MUC7: variants seen among roughly 807,000 people sequenced by gnomAD.
The protein encoded by MUC7 is mucin-7.
In MUC7, 2 loss-of-function variants were observed where a neutral mutation model predicts 2.5. The observed-to-expected ratio is 0.81, with a 90% CI of 0.33 to 2.55. The LOEUF is 2.55. Among genes scored for constraint, MUC7 ranks in the 30% most tolerant of loss-of-function variants. MUC7 has a pLI of 0.11. For synonymous variants in MUC7, 133 were observed against 173.4 expected, an observed-to-expected ratio of 0.77 and a Z score of 1.83; for missense variants, 408 against 455.6, an observed-to-expected ratio of 0.90 and a Z score of 0.95.
intron 1 of MUC7, among the ~76,000 whole-genome samples, chr4:70,435,004 T>C (rs1226723654): frequency 1.3e-5 from 2 of 152,222 alleles, no homozygotes; most frequent in African/African-American, 2.4e-5. Flanking sequence ...AGTTTCCATG[T>C]AGTTGTGCGG....
chr4:70,480,368 G>C (rs780675746), intron 2 of MUC7, among the ~76,000 whole-genome samples: 1 of 152,134 alleles, frequency 6.6e-6, no homozygotes, highest in Non-Finnish European at 1.5e-5. Flanking sequence ...TAGATATGAG[G>C]GGTGTAATCT....
chr4:70,468,557 CAA>C (rs2109734601), upstream of MUC7, among the ~76,000 whole-genome samples: 1 of 152,324 alleles, frequency 6.6e-6, no homozygotes, highest in South Asian at 2.1e-4. Context: ...GCAACTTCAG[CAA>C]AGTCTCAGGC....
At chr4:70,468,951 C>A (rs1170241509), upstream of MUC7, among the ~76,000 whole-genome samples, 1 of 152,116 alleles carries the variant, frequency 6.6e-6, no homozygotes, top group Admixed American at 6.5e-5. Flanking sequence ...ATAGCCAAGA[C>A]AATCATAAGC....
intron 1 of MUC7, among the ~76,000 whole-genome samples, chr4:70,454,095 G>A (rs1020428262): frequency 6.6e-6 from 1 of 152,008 alleles, no homozygotes; most frequent in African/African-American, 2.4e-5. Flanking sequence ...GCTTCAAGCT[G>A]TGCTGCCTGT....
chr4:70,452,138 TGC>T (rs1158567506), intron 1 of MUC7, among the ~76,000 whole-genome samples: 1 of 152,210 alleles, frequency 6.6e-6, no homozygotes, highest in Non-Finnish European at 1.5e-5. Context: ...TCAGTCTATG[TGC>T]ACATTTATGG....
rs71599957 is a variant in MUC7, at chr4:70,444,507, C to G, written c.-93+13820C>G. On this transcript the variant is annotated intron_variant, in intron 1 of 3. Coordinates refer to the MUC7 transcript ENST00000413702. ...ACTTCAGCTCTATCTGCCACTACCA[C>G]CACTGCACTTGCAGCCACCCGATTT... Among the ~76,000 whole-genome samples, 764 of 152,328 alleles carry G rather than the reference C, an allele frequency of 5.0e-3. 6 individuals are homozygous for G. The highest frequency in any genetic ancestry group is 8.6e-3 in the Non-Finnish European group (584 of 68,020).
chr4:70,473,490 T>C (rs1412360330), intron 1 of MUC7, among the ~76,000 whole-genome samples: 2 of 150,896 alleles, frequency 1.3e-5, no homozygotes, highest in Non-Finnish European at 3.0e-5. Flanking sequence ...AATGGCAAAA[T>C]CTTCAGTAGA....
At position 70,454,289 on chromosome 4, in the gene MUC7, G is replaced by A. The variant is rs1379335924; in HGVS notation, c.-92-17926G>A. On this transcript the variant is annotated intron_variant, in intron 1 of 3. Coordinates refer to the MUC7 transcript ENST00000413702. ...TTAGAACCACAGAGTACTTTAGCCA[G>A]CGATGGCAAGGCTTGCCAAAACTCA... Among the ~76,000 whole-genome samples the A allele has an allele frequency of 3.3e-5, 5 of 152,202 alleles. 1 individual carries two copies. The highest frequency in any genetic ancestry group is 1.3e-4 in the Admixed American group (2 of 15,280).
chr4:70,461,071 T>C (rs1018201393), intron 1 of MUC7, among the ~76,000 whole-genome samples: 2 of 152,214 alleles, frequency 1.3e-5, no homozygotes, highest in Non-Finnish European at 2.9e-5. Flanking sequence ...CTCTCAATAC[T>C]GAACCCCTTG....
intron 1 of MUC7, among the ~76,000 whole-genome samples, chr4:70,462,997 GAATA>G (rs1734596020): frequency 1.3e-5 from 2 of 151,248 alleles, no homozygotes; most frequent in Admixed American, 1.3e-4. Context: ...ATGAATGAAT[GAATA>G]AGTAAATAAA....
upstream of MUC7, among the ~76,000 whole-genome samples, chr4:70,470,553 A>T (rs1363653948): frequency 6.6e-6 from 1 of 152,168 alleles, no homozygotes; most frequent in Non-Finnish European, 1.5e-5. Context: ...TCCAGGCATT[A>T]TTTAGGACTG....
At chr4:70,464,506 T>C (rs941213208) in intron 1 of MUC7, among the ~76,000 whole-genome samples, 8 of 152,068 alleles carry the variant, frequency 5.3e-5, no homozygotes, top group Non-Finnish European at 1.0e-4. Context: ...GGCTTGAAAT[T>C]CTCGCTGCGA....
chr4:70,481,853 T>C lies in MUC7; in HGVS notation c.1109T>C (p.Ile370Thr). 6.2e-7 allele frequency: 1 copy of C among 1,613,970 alleles called. No homozygotes were observed. Among genetic ancestry groups the C allele is most frequent in the Non-Finnish European group, 8.5e-7 (1 of 1,179,950 alleles). Residue 370 changes from isoleucine to threonine, a missense_variant, in exon 3 of 3, where the codon ATT (isoleucine) becomes ACT (threonine). Physicochemically the swap from Ile to Thr is moderately conservative, Grantham distance 89. Transcript: ENST00000304887. ...TATATGAAGAATCTACTAAACAGAA[T>C]TATTGACGACATGGTGGAGCAATAG... ...LLYMKNLLNRIIDDMVEQ is the reference protein window; with the variant it reads ...LLYMKNLLNRTIDDMVEQ
At chr4:70,471,094 G>C (rs1418906054), upstream of MUC7, among the ~76,000 whole-genome samples, 1 of 152,162 alleles carries the variant, frequency 6.6e-6, no homozygotes, top group Admixed American at 6.5e-5. Context: ...AGAACAAACT[G>C]ACTAGCTAGA....
In MUC7 at chr4:70,430,661, A is replaced by G. The variant is rs1318381582; in HGVS notation, c.-119A>G. On this transcript the variant is annotated 5_prime_UTR_variant, in exon 1 of 4. Coordinates refer to the MUC7 transcript ENST00000413702. Reference sequence around the variant, plus strand: ...AATTCAACTGACAAGTAGTTTGACCAGACTTGGAGGAAGGATTCCTTCAAA... The same window carrying G: ...AATTCAACTGACAAGTAGTTTGACCGGACTTGGAGGAAGGATTCCTTCAAA... 3 of 152,144 alleles carry G rather than the reference A, an allele frequency of 2.0e-5. No individual in the cohort carries two copies. In the East Asian group the frequency reaches 5.8e-4, roughly 29 times the overall value. The allele number at this position is 152,144 out of a possible 1,614,324, so 9.4% of individuals were successfully genotyped here.
intron 2 of MUC7, among the ~76,000 whole-genome samples, chr4:70,478,621 T>C (rs115452055): frequency 0.013 from 1,986 of 152,332 alleles, 43 homozygotes; most frequent in African/African-American, 0.045. Flanking sequence ...TACATGTTCC[T>C]ATAAGATCTG....
At chr4:70,451,178 T>C (rs540790211) in intron 1 of MUC7, among the ~76,000 whole-genome samples, 1 of 152,228 alleles carries the variant, frequency 6.6e-6, no homozygotes, top group South Asian at 2.1e-4. Flanking sequence ...GCTCCCTTCA[T>C]GGGTAAGCAT....
chr4:70,478,622 A>T (rs943258666), intron 2 of MUC7, among the ~76,000 whole-genome samples: 1 of 152,190 alleles, frequency 6.6e-6, no homozygotes, highest in African/African-American at 2.4e-5. Flanking sequence ...ACATGTTCCT[A>T]TAAGATCTGG....
chr4:70,433,000 T>C (rs914489064), intron 1 of MUC7, among the ~76,000 whole-genome samples: 1 of 152,232 alleles, frequency 6.6e-6, no homozygotes, highest in Admixed American at 6.5e-5. Flanking sequence ...CTTTCCCCAT[T>C]GCTTGCTTTT....
Sources: allele counts gnomAD v4.1 joint callset (sites outside exome capture counted in the v4.1 genomes callset), GRCh38; gene constraint gnomAD v4.1.1; transcripts MANE v1.5; gene names NCBI Gene and HGNC (gene_info 2026-07-23, HGNC 2026-07-21).